PI4KA: variants seen among roughly 807,000 people sequenced by gnomAD.
PI4KA encodes the protein phosphatidylinositol 4-kinase alpha, also known as PI4-kinase alpha.
A neutral mutation model predicts 271.4 loss-of-function variants in PI4KA; 122 were observed. That is an observed-to-expected ratio of 0.45 (90% CI 0.39 to 0.52). PI4KA has a LOEUF of 0.52. Ranked by LOEUF, PI4KA falls within the 20% of genes least tolerant of loss-of-function variation. PI4KA has a pLI of 0.00. For synonymous variants in PI4KA, 1,041 were observed against 1,078.8 expected, an observed-to-expected ratio of 0.96 and a Z score of 0.69; for missense variants, 1,969 against 2,769.1, an observed-to-expected ratio of 0.71 and a Z score of 6.48.
intron 19 of PI4KA, among the ~76,000 whole-genome samples, chr22:20,775,631 T>C (rs1161505908): frequency 2.6e-5 from 4 of 152,214 alleles, no homozygotes; most frequent in East Asian, 1.9e-4. Context: ...GAAAACATTT[T>C]CCCCCTTTGT....
In PI4KA at chr22:20,839,078, G is replaced by A. The variant is rs373737965; in HGVS notation, c.157-347C>T. 1.7e-4 allele frequency among the ~76,000 whole-genome samples: 26 copies of A among 152,232 alleles called. No individual in the cohort carries two copies. The South Asian group carries it at 2.9e-3, about 17-fold the overall frequency. On this transcript the variant is annotated intron_variant, in intron 1 of 54. Coordinates refer to ENST00000255882, the MANE Select transcript of PI4KA (RefSeq NM_058004.4). ...CTAAAAATACAAAAATTAGCCAGGCGTGGTGGCGCACACCTATCGTCCCAG... is the reference window on the plus strand; with the variant it reads ...CTAAAAATACAAAAATTAGCCAGGCATGGTGGCGCACACCTATCGTCCCAG...
At chr22:20,830,661 G>A (rs993172559) in intron 3 of PI4KA, among the ~76,000 whole-genome samples, 1 of 152,136 alleles carries the variant, frequency 6.6e-6, no homozygotes, top group African/African-American at 2.4e-5. Flanking sequence ...ATTGATATGT[G>A]TGGCTCTGTT....
intron 3 of PI4KA, among the ~76,000 whole-genome samples, chr22:20,831,574 C>CAAACAAAAACAA (rs927741986): frequency 5.6e-5 from 8 of 143,048 alleles, no homozygotes; most frequent in South Asian, 4.4e-4. Context: ...TCTCAAAACA[C>CAAACAAAAACAA]AAACAAAAAC....
Position 20,805,184 on chromosome 22 carries a change from C to T in PI4KA, c.1169-19G>A. 1 of 1,590,386 alleles carries T rather than the reference C, an allele frequency of 6.3e-7. No individual in the cohort carries two copies. The highest frequency in any genetic ancestry group is 8.6e-7 in the Non-Finnish European group (1 of 1,160,818). ...GGGAGGTCTGTAGGAAAGAGTGTGG[C>T]ATCACAGCTGGGAACAAAACTACAG... On this transcript the variant is annotated intron_variant, in intron 10 of 54. Transcript: ENST00000255882.
chr22:20,779,846 C>T (rs759463568), intron 19 of PI4KA: 7 of 1,614,198 alleles, frequency 4.3e-6, no homozygotes, highest in Non-Finnish European at 5.9e-6. Flanking sequence ...AACAAGTGCA[C>T]TCGATTTTGC....
Position 20,836,074 on chromosome 22 carries a change from CAAAACAAAACAAAAA to C in PI4KA, c.274-1434_274-1420del, listed in dbSNP as rs981485255. 6.3e-4 allele frequency among the ~76,000 whole-genome samples: 96 copies of C among 151,864 alleles called. 1 individual carries two copies. Among genetic ancestry groups the C allele is most frequent in the East Asian group, 3.3e-3 (17 of 5,170 alleles). On this transcript the variant is annotated intron_variant, in intron 2 of 54. Coordinates refer to ENST00000255882, the MANE Select transcript of PI4KA (RefSeq NM_058004.4). Reference sequence around the variant, plus strand: ...TTCAAAAAAACAAAACAAAACAAAACAAAACAAAACAAAAAACAACAAAAAAACATGGCAGAAGGC... The same window carrying C: ...TTCAAAAAAACAAAACAAAACAAAACACAACAAAAAAACATGGCAGAAGGC...
chr22:20,729,521 C>T lies in PI4KA; in HGVS notation c.4489-15G>A. On this transcript the variant is annotated splice_polypyrimidine_tract_variant and intron_variant, in intron 38 of 54. Coordinates refer to ENST00000255882, the MANE Select transcript of PI4KA (RefSeq NM_058004.4). ...ATCTCAGTGGCCTGGCAAGATAAGA[C>T]ATAAGGCCTGATATGCACCCCTTCT... 1 of 1,570,640 alleles carries T rather than the reference C, an allele frequency of 6.4e-7. No individual in the cohort carries two copies.
chr22:20,795,273 TA>T (rs979794905), intron 18 of PI4KA, among the ~76,000 whole-genome samples: 13 of 146,948 alleles, frequency 8.8e-5, no homozygotes, highest in Admixed American at 6.8e-5. Context: ...TTTCCTTATT[TA>T]AAAAAAAAAA....
chr22:20,802,903 C>A lies in PI4KA; in HGVS notation c.1591+288G>T, dbSNP rs543218062. 3.0e-4 allele frequency among the ~76,000 whole-genome samples: 46 copies of A among 152,238 alleles called. No homozygotes were observed. In the South Asian group the frequency reaches 9.5e-3, roughly 32 times the overall value. The stretch of plus-strand genomic sequence containing the variant: ...TCTCGCAGGGGTAGCAGGGACTGGG[C>A]CCCTGGCTAAGTGTTTGGGGCACAC... On this transcript the variant is annotated intron_variant, in intron 13 of 54. Coordinates refer to ENST00000255882, the MANE Select transcript of PI4KA (RefSeq NM_058004.4).
At chr22:20,780,036 G>C in intron 19 of PI4KA, 1 of 1,614,104 alleles carries the variant, frequency 6.2e-7, no homozygotes, top group Non-Finnish European at 8.5e-7. Context: ...TAAAGTAAGA[G>C]AGTATTACTT....
At chr22:20,716,293 C>T (rs1358199139) in intron 45 of PI4KA, among the ~76,000 whole-genome samples, 1 of 152,212 alleles carries the variant, frequency 6.6e-6, no homozygotes, top group Admixed American at 6.5e-5. Flanking sequence ...CTCAGGTGAT[C>T]CACCTGCCTT....
At chr22:20,797,919 C>T (rs1935078049) in intron 17 of PI4KA, among the ~76,000 whole-genome samples, 1 of 152,190 alleles carries the variant, frequency 6.6e-6, no homozygotes. Flanking sequence ...CACCTCTCCC[C>T]TTCCCTCTCT....
intron 32 of PI4KA, among the ~76,000 whole-genome samples, chr22:20,741,661 T>C (rs1929476335): frequency 6.6e-6 from 1 of 152,012 alleles, no homozygotes; most frequent in Admixed American, 6.5e-5. Flanking sequence ...AAAATCAAAA[T>C]CCCCCTTTTT....
At position 20,742,348 on chromosome 22, in the gene PI4KA, G is replaced by A. The variant is rs1282218452; in HGVS notation, c.3621C>T (p.Asp1207=). Residue 1207 remains aspartate (D), a synonymous_variant, in exon 32 of 55, where the codon GAC becomes GAT. Coordinates refer to ENST00000255882, the MANE Select transcript of PI4KA (RefSeq NM_058004.4). ...AGCACAGATGATGAAGGAGCTGCGGGTCACAATCTGGAACCAAACACACGT... is the reference window on the plus strand; with the variant it reads ...AGCACAGATGATGAAGGAGCTGCGGATCACAATCTGGAACCAAACACACGT... The part of the protein sequence containing the change: ...TAMLISSKDC[D]PQLLHHLCWG... 3 of 1,613,938 alleles carry A rather than the reference G, an allele frequency of 1.9e-6. No individual in the cohort carries two copies. The highest frequency in any genetic ancestry group is 1.7e-6 in the Non-Finnish European group (2 of 1,179,898).
chr22:20,854,873 C>T (rs1337054446), intron 1 of PI4KA, among the ~76,000 whole-genome samples: 4 of 152,258 alleles, frequency 2.6e-5, no homozygotes, highest in Admixed American at 2.0e-4. Context: ...GAAACTTGGC[C>T]GGGCGTGGTG....
chr22:20,798,282 CA>C (rs1289079295), intron 17 of PI4KA, among the ~76,000 whole-genome samples: 1 of 152,128 alleles, frequency 6.6e-6, no homozygotes, highest in African/African-American at 2.4e-5. Flanking sequence ...GCAACCTGCG[CA>C]GGATCATTCA....
intron 23 of PI4KA, among the ~76,000 whole-genome samples, chr22:20,757,416 G>A (rs1417621834): frequency 3.9e-5 from 6 of 152,152 alleles, no homozygotes; most frequent in South Asian, 4.1e-4. Context: ...ACAATTTAAC[G>A]TCCTCTGATG....
chr22:20,740,754 T>C (rs966056241), intron 32 of PI4KA, among the ~76,000 whole-genome samples: 2 of 152,200 alleles, frequency 1.3e-5, no homozygotes, highest in East Asian at 1.9e-4. Context: ...AAAAAGACTG[T>C]TGACTTCTCT....
At chr22:20,712,058 TTG>T (rs1207484187) in intron 50 of PI4KA, among the ~76,000 whole-genome samples, 1 of 143,482 alleles carries the variant, frequency 7.0e-6, no homozygotes, top group Non-Finnish European at 1.5e-5. Context: ...CCTGGTTTTT[TTG>T]TGTTTTTTTT....
Sources: allele counts gnomAD v4.1 joint callset (sites outside exome capture counted in the v4.1 genomes callset), GRCh38; gene constraint gnomAD v4.1.1; transcripts MANE v1.5; gene names NCBI Gene and HGNC (gene_info 2026-07-23, HGNC 2026-07-21).